Variants in CYS1 observed in about 807,000 individuals in gnomAD.
CYS1 encodes cystin 1.
Under a neutral mutation model 9.6 loss-of-function variants are expected in CYS1, and 5 were observed. The ratio of observed to expected loss-of-function variants is 0.52; its 90% CI spans 0.27 to 1.10. The LOEUF (loss-of-function observed/expected upper bound fraction) is 1.10. Among genes scored for constraint, CYS1 ranks in the 50% least tolerant of loss-of-function variants. The probability of loss-of-function intolerance (pLI) is 0.11; values close to 1 mark genes in which losing one functional copy is unlikely to be tolerated. For synonymous variants in CYS1, 88 were observed against 95.7 expected (o/e 0.92, Z 0.47); for missense variants, 221 against 207.9 (o/e 1.06, Z -0.39).
intron 2 of CYS1, among the ~76,000 whole-genome samples, chr2:10,059,820 C>A (rs992151099): frequency 3.3e-5 from 5 of 152,276 alleles, no homozygotes; most frequent in Non-Finnish European, 7.3e-5. Context: ...CGTTCAGGAT[C>A]CCGCCAGTCC....
At chr2:10,060,864 G>A (rs1006952829) in intron 2 of CYS1, among the ~76,000 whole-genome samples, 2 of 152,238 alleles carry the variant, frequency 1.3e-5, no homozygotes, top group African/African-American at 4.8e-5. Context: ...GCCATCTGCG[G>A]TGTGTCTACC....
Position 10,058,659 on chromosome 2 carries a change from C to G in CYS1, c.*194G>C, listed in dbSNP as rs1272232478. 1 of 531,068 alleles carries G rather than the reference C, an allele frequency of 1.9e-6. No individual in the cohort carries two copies. Among genetic ancestry groups the G allele is most frequent in the Non-Finnish European group, 3.3e-6 (1 of 299,394 alleles). 32.9% of individuals were successfully genotyped at this position (531,068 alleles called of 1,614,324 possible). A position where few individuals can be genotyped will look rare whatever the true frequency, so the allele number is the denominator to read the frequency against. On this transcript the variant is annotated 3_prime_UTR_variant, in exon 3 of 3. Coordinates refer to ENST00000381813, the MANE Select transcript of CYS1 (RefSeq NM_001037160.3). ...GTGGGTCTACACAGCTAATCGCCCC[C>G]ACCAGCAACCATGACCGCCAGTGGC...
chr2:10,062,254 T>C (rs1572454500), intron 2 of CYS1, among the ~76,000 whole-genome samples: 2 of 152,220 alleles, frequency 1.3e-5, no homozygotes, highest in East Asian at 3.9e-4. Context: ...AAAAAGACCT[T>C]TCCAAGGAAA....
Position 10,057,739 on chromosome 2 carries a change from C to G in CYS1, c.*1114G>C, listed in dbSNP as rs1661570669. The G allele has an allele frequency of 6.5e-6, 1 of 152,864 alleles. No individual in the cohort carries two copies. The highest frequency in any genetic ancestry group is 6.5e-5 in the Admixed American group (1 of 15,280). The allele number at this position is 152,864 out of a possible 1,614,324, so 9.5% of individuals were successfully genotyped here. ...CTGCCTCCCTAGACCGCTGTTCTCC[C>G]CACAGCTCTCCCCCGGAGCTGTCCC... On this transcript the variant is annotated 3_prime_UTR_variant, in exon 3 of 3. Coordinates refer to ENST00000381813, the MANE Select transcript of CYS1 (RefSeq NM_001037160.3).
rs144805581 is a variant in CYS1 at position 10,066,469 on chromosome 2, C to T, written c.319-513G>A. Among the ~76,000 whole-genome samples, 144 of 152,346 alleles carry T rather than the reference C, an allele frequency of 9.5e-4. 1 individual carries two copies. In the East Asian group the frequency reaches 0.025, roughly 27 times the overall value. ...AAACATTGCCCAGAACCCTCTCCCT[C>T]CCCCACTGAAGTGCTTTCTCTTCAT... On this transcript the variant is annotated intron_variant, in intron 1 of 2. Coordinates refer to ENST00000381813, the MANE Select transcript of CYS1 (RefSeq NM_001037160.3).
chr2:10,075,558 G>A (rs1049086913), intron 1 of CYS1, among the ~76,000 whole-genome samples: 4 of 152,160 alleles, frequency 2.6e-5, no homozygotes, highest in East Asian at 1.9e-4. Context: ...TCACCTTGAC[G>A]TCCTTCTGTG....
chr2:10,059,006 T>C (rs1336729828), intron 2 of CYS1, 48 bp from the exon 3 acceptor site: 2 of 1,498,582 alleles, frequency 1.3e-6, no homozygotes, highest in Non-Finnish European at 1.8e-6. Context: ...GGATGGTGCG[T>C]TCACACTCAT....
chr2:10,077,445 G>A (rs1248362189), intron 1 of CYS1, among the ~76,000 whole-genome samples: 6 of 152,236 alleles, frequency 3.9e-5, no homozygotes, highest in Admixed American at 2.6e-4. Context: ...GTTCTTTTAT[G>A]AAGAATATGT....
chr2:10,066,041 T>C, intron 1 of CYS1, 85 bp from the exon 2 acceptor site: 7 of 1,464,716 alleles, frequency 4.8e-6, no homozygotes, highest in Admixed American at 1.7e-5. Flanking sequence ...GGACAGACGA[T>C]GGCCACCACT....
At chr2:10,066,475 C>G (rs965126307) in intron 1 of CYS1, among the ~76,000 whole-genome samples, 1 of 152,240 alleles carries the variant, frequency 6.6e-6, no homozygotes, top group Admixed American at 6.5e-5. Flanking sequence ...CCCTCCCCCA[C>G]TGAAGTGCTT....
rs924451866 is a variant in CYS1, at chr2:10,063,852, C to T, written c.371+2052G>A. Among the ~76,000 whole-genome samples, 19 of 152,276 alleles carry T rather than the reference C, an allele frequency of 1.2e-4. No individual in the cohort carries two copies. The highest frequency in any genetic ancestry group is 3.4e-4 in the African/African-American group (14 of 41,556). On this transcript the variant is annotated intron_variant, in intron 2 of 2. Transcript: ENST00000381813. The surrounding 1 kb of genome is among the most constrained non-coding windows in gnomAD (Gnocchi z 4.2). ...TGGGGCTTCCTTCCTGGTGGAAGCA[C>T]GGTGCTGGAGGGGCTGACAGAGCCC...
intron 1 of CYS1, among the ~76,000 whole-genome samples, chr2:10,067,410 T>C (rs1450215580): frequency 6.8e-6 from 1 of 147,742 alleles, no homozygotes; most frequent in African/African-American, 2.5e-5. Context: ...TCTTTTCTTT[T>C]TTTTTTTTTT....
In CYS1 at chr2:10,057,291, G is replaced by A. The variant is rs1374815219; in HGVS notation, c.*1562C>T. The A allele has an allele frequency of 6.6e-6, 1 of 152,246 alleles. No homozygotes were observed. The highest frequency in any genetic ancestry group is 1.5e-5 in the Non-Finnish European group (1 of 68,042). The allele number at this position is 152,246 out of a possible 1,614,324, so 9.4% of individuals were successfully genotyped here. On this transcript the variant is annotated 3_prime_UTR_variant, in exon 3 of 3. Coordinates refer to ENST00000381813, the MANE Select transcript of CYS1 (RefSeq NM_001037160.3). ...AGCAATGGCTCCCAGCTCTGGGGAGGGTTTGAGCCACGCCCTTGCGGGGGC... is the reference window on the plus strand; with the variant it reads ...AGCAATGGCTCCCAGCTCTGGGGAGAGTTTGAGCCACGCCCTTGCGGGGGC...
intron 2 of CYS1, among the ~76,000 whole-genome samples, chr2:10,064,373 A>G (rs1661666914): frequency 6.6e-6 from 1 of 152,244 alleles, no homozygotes; most frequent in Non-Finnish European, 1.5e-5. Flanking sequence ...TAATTAGTTC[A>G]TGGTAGGATT....
intron 1 of CYS1, among the ~76,000 whole-genome samples, chr2:10,078,130 A>G (rs1039242573): frequency 6.6e-6 from 1 of 152,006 alleles, no homozygotes; most frequent in Admixed American, 6.6e-5. Flanking sequence ...GAAAGAAAGA[A>G]AAAAGATACA....
In CYS1 at chr2:10,075,360, C is replaced by A. The variant is rs141727681; in HGVS notation, c.318+4546G>T. On this transcript the variant is annotated intron_variant, in intron 1 of 2. Transcript: ENST00000381813. ...AACTTGCAAACGTGCATTTACGCAC[C>A]CCTTCCCAACACGGTTATGAGCTTT... 7.7e-4 allele frequency among the ~76,000 whole-genome samples: 117 copies of A among 152,354 alleles called. 1 individual carries two copies. The highest frequency in any genetic ancestry group is 2.7e-3 in the African/African-American group (113 of 41,584).
chr2:10,069,122 G>A (rs1661732070), intron 1 of CYS1, among the ~76,000 whole-genome samples: 1 of 152,030 alleles, frequency 6.6e-6, no homozygotes, highest in Non-Finnish European at 1.5e-5. Flanking sequence ...GGATGAGCAG[G>A]CGGAGACAGG....
Position 10,058,675 on chromosome 2 carries a change from C to T in CYS1, c.*178G>A. ...AATCGCCCCCACCAGCAACCATGAC[C>T]GCCAGTGGCTGGCCCAGGTCAGCGC... On this transcript the variant is annotated 3_prime_UTR_variant, in exon 3 of 3. Transcript: ENST00000381813. 1 of 541,438 alleles carries T rather than the reference C, an allele frequency of 1.8e-6. No homozygotes were observed. The allele number at this position is 541,438 out of a possible 1,614,324, so 33.5% of individuals were successfully genotyped here.
At chr2:10,059,956 C>G (rs1558356238) in intron 2 of CYS1, among the ~76,000 whole-genome samples, 2 of 152,282 alleles carry the variant, frequency 1.3e-5, no homozygotes, top group African/African-American at 4.8e-5. Flanking sequence ...CCCAGACCTT[C>G]TGGACTTTGT....
Sources: gnomAD v4.1 joint callset for allele counts (sites outside exome capture counted in the v4.1 genomes callset) on GRCh38, gnomAD v4.1.1 for gene constraint, Gnocchi (gnomAD v3.1) non-coding constraint, MANE v1.5 for transcripts, NCBI Gene and HGNC (gene_info 2026-07-23, HGNC 2026-07-21) for gene names.